Variants in HCRTR2 observed in about 807,000 individuals in gnomAD.
HCRTR2 encodes the protein orexin receptor type 2.
Under a neutral mutation model 49.0 loss-of-function variants are expected in HCRTR2, and 22 were observed. The observed-to-expected ratio is 0.45, with a 90% CI of 0.32 to 0.64. The LOEUF is 0.64. HCRTR2 is among the 30% of genes least tolerant of loss of function. HCRTR2 has a pLI of 0.04. For synonymous variants in HCRTR2, 236 were observed against 205.3 expected, an observed-to-expected ratio of 1.15 and a Z score of -1.28; for missense variants, 491 against 559.4, an observed-to-expected ratio of 0.88 and a Z score of 1.23.
chr6:55,153,482 T>C (rs1167154025), intron 1 of HCRTR2, among the ~76,000 whole-genome samples: 1 of 152,006 alleles, frequency 6.6e-6, no homozygotes, highest in Admixed American at 6.6e-5. Flanking sequence ...ATAGAAAAAG[T>C]ACAGTAAAAA....
At position 55,107,322 on chromosome 6, in the gene HCRTR2, C is replaced by T. The variant is rs560172245; in HGVS notation, c.-378+777C>T. ...GTCTTCTTCCTACTCTGACTTCTTG[C>T]CTCCCAGTTCTTTGCTCCCCAAAGC... On this transcript the variant is annotated intron_variant, in intron 1 of 7. Coordinates refer to the HCRTR2 transcript ENST00000615358. Among the ~76,000 whole-genome samples the T allele has an allele frequency of 3.5e-4, 54 of 152,146 alleles. No homozygotes were observed. In the Middle Eastern group the frequency reaches 0.014, roughly 38 times the overall value.
At chr6:55,208,503 A>T (rs892688794) in intron 1 of HCRTR2, among the ~76,000 whole-genome samples, 1 of 151,458 alleles carries the variant, frequency 6.6e-6, no homozygotes, top group Non-Finnish European at 1.5e-5. Context: ...AAAAATAAAA[A>T]TAAAAAAAAA....
At chr6:55,198,377 G>A (rs1409453327) in intron 1 of HCRTR2, among the ~76,000 whole-genome samples, 1 of 152,068 alleles carries the variant, frequency 6.6e-6, no homozygotes, top group East Asian at 1.9e-4. Flanking sequence ...TCTTACCCTA[G>A]CTCTAAAATT....
chr6:55,221,760 G>C (rs1169416724), intron 1 of HCRTR2, among the ~76,000 whole-genome samples: 2 of 151,008 alleles, frequency 1.3e-5, no homozygotes, highest in East Asian at 3.9e-4. Context: ...TTGCAGTGAG[G>C]TGAGATCACG....
At chr6:55,211,737 T>C (rs1451529501) in intron 1 of HCRTR2, among the ~76,000 whole-genome samples, 1 of 152,180 alleles carries the variant, frequency 6.6e-6, no homozygotes. Context: ...ACAGTGTTGA[T>C]GTGGAGCTTC....
At chr6:55,255,450 C>A (rs561159729) in intron 3 of HCRTR2, 71 bp downstream of exon 3, 1 of 1,525,944 alleles carries the variant, frequency 6.6e-7, no homozygotes, top group South Asian at 1.1e-5. Context: ...TTAGCATAGC[C>A]ATTGTAAAGC....
rs754239176 is a variant in HCRTR2 at position 55,174,566 on chromosome 6, C to T, written c.-22C>T. 5 of 1,595,474 alleles carry T rather than the reference C, an allele frequency of 3.1e-6. No homozygotes were observed. The highest frequency in any genetic ancestry group is 1.3e-5 in the African/African-American group (1 of 74,608). ...GCGGAGAGGAGCTTGCAGCATTGAG[C>T]GGAACCGGACTTGAGCCCGTGATGT... On this transcript the variant is annotated 5_prime_UTR_variant, in exon 1 of 7. Coordinates refer to ENST00000370862, the MANE Select transcript of HCRTR2 (RefSeq NM_001384272.1).
chr6:55,150,173 T>C (rs148353128), intron 1 of HCRTR2, among the ~76,000 whole-genome samples: 94 of 152,046 alleles, frequency 6.2e-4, no homozygotes, highest in African/African-American at 2.1e-3. Context: ...ATTATTGACA[T>C]TAAAAGTTGA....
intron 1 of HCRTR2, among the ~76,000 whole-genome samples, chr6:55,178,825 A>T (rs2127271578): frequency 6.6e-6 from 1 of 152,244 alleles, no homozygotes; most frequent in South Asian, 2.1e-4. Context: ...TAACTATTGG[A>T]ATAGTTTGCT....
intron 1 of HCRTR2, among the ~76,000 whole-genome samples, chr6:55,209,810 T>C (rs558466575): frequency 8.5e-5 from 13 of 152,314 alleles, no homozygotes; most frequent in Admixed American, 4.6e-4. Context: ...TGGGAAATGA[T>C]CTGCTTTTTG....
intron 1 of HCRTR2, among the ~76,000 whole-genome samples, chr6:55,209,433 T>C (rs1053950945): frequency 6.6e-6 from 1 of 152,218 alleles, no homozygotes; most frequent in Non-Finnish European, 1.5e-5. Flanking sequence ...GTTTTGGTTT[T>C]TGTTTTTCCC....
intron 4 of HCRTR2, among the ~76,000 whole-genome samples, chr6:55,267,182 G>A (rs894282368): frequency 1.1e-4 from 17 of 152,100 alleles, no homozygotes; most frequent in Non-Finnish European, 2.9e-5. Flanking sequence ...GGCATTATGC[G>A]TGCCATAGGC....
intron 1 of HCRTR2, among the ~76,000 whole-genome samples, chr6:55,135,421 G>A (rs984786469): frequency 2.0e-5 from 3 of 151,976 alleles, no homozygotes; most frequent in East Asian, 1.9e-4. Context: ...TCAGAATATC[G>A]TAAAACCTCT....
At position 55,263,796 on chromosome 6, in the gene HCRTR2, A is replaced by G. The variant is rs1341054333; in HGVS notation, c.736A>G (p.Ile246Val). The G allele has an allele frequency of 1.9e-6, 3 of 1,610,914 alleles. No individual in the cohort carries two copies. Among genetic ancestry groups the G allele is most frequent in the East Asian group, 2.2e-5 (1 of 44,766 alleles). Reference sequence around the variant, plus strand: ...TCTCATGGTGTTGGCTTATCTGCAAATATTTCGCAAACTCTGGTGTCGACA... The same window carrying G: ...TCTCATGGTGTTGGCTTATCTGCAAGTATTTCGCAAACTCTGGTGTCGACA... ...LCLMVLAYLQ[I>V]FRKLWCRQIP... Residue 246 changes from isoleucine (I) to valine (V), a missense_variant, in exon 4 of 7, where the codon ATA (isoleucine) becomes GTA (valine). Coordinates refer to ENST00000370862, the MANE Select transcript of HCRTR2 (RefSeq NM_001384272.1).
intron 4 of HCRTR2, among the ~76,000 whole-genome samples, chr6:55,275,552 C>G (rs906985196): frequency 2.8e-5 from 3 of 108,176 alleles, no homozygotes; most frequent in Middle Eastern, 5.0e-3. Flanking sequence ...AAGGGCATCA[C>G]TACATTTTTT....
At chr6:55,154,264 T>G (rs1361593315) in intron 1 of HCRTR2, among the ~76,000 whole-genome samples, 3 of 151,954 alleles carry the variant, frequency 2.0e-5, no homozygotes. Context: ...ATTTTCAAAC[T>G]CATTTTATGA....
intron 1 of HCRTR2, among the ~76,000 whole-genome samples, chr6:55,195,324 G>C (rs1489886294): frequency 1.3e-5 from 2 of 152,134 alleles, no homozygotes; most frequent in East Asian, 3.9e-4. Context: ...AATGTATTTA[G>C]ATAAAGATAC....
intron 1 of HCRTR2, among the ~76,000 whole-genome samples, chr6:55,247,083 A>G (rs74814143): frequency 0.041 from 6,285 of 152,064 alleles, 174 homozygotes; most frequent in Middle Eastern, 0.085. Context: ...ATTTTTGCCA[A>G]TTTTCTCATA....
At chr6:55,250,340 G>A (rs1479474017) in intron 2 of HCRTR2, among the ~76,000 whole-genome samples, 2 of 152,000 alleles carry the variant, frequency 1.3e-5, no homozygotes, top group African/African-American at 2.4e-5. Flanking sequence ...TTTGCATAGA[G>A]GCACTAGGAA....
Sources: gnomAD v4.1 joint callset for allele counts (sites outside exome capture counted in the v4.1 genomes callset) on GRCh38, gnomAD v4.1.1 for gene constraint, MANE v1.5 for transcripts, NCBI Gene and HGNC (gene_info 2026-07-23, HGNC 2026-07-21) for gene names.